The following SORCS1 variants were observed in gnomAD, a reference collection of about 807,000 sequenced individuals.
SORCS1 encodes the protein VPS10 domain-containing receptor SorCS1.
A neutral mutation model predicts 146.1 loss-of-function variants in SORCS1; 60 were observed. The ratio of observed to expected loss-of-function variants is 0.41; its 90% CI spans 0.33 to 0.51. The LOEUF (loss-of-function observed/expected upper bound fraction) is 0.51. Among genes scored for constraint, SORCS1 ranks in the 20% least tolerant of loss-of-function variants. The probability of loss-of-function intolerance (pLI) is 0.21; values close to 1 mark genes in which losing one functional copy is unlikely to be tolerated. For missense variants in SORCS1, 1,352 were observed against 1,487.6 expected (o/e 0.91, Z 1.50); for synonymous variants, 637 against 584.0 (o/e 1.09, Z -1.31).
At chr10:106,758,184 CCTT>C (rs1858802308) in intron 5 of SORCS1, among the ~76,000 whole-genome samples, 1 of 152,100 alleles carries the variant, frequency 6.6e-6, no homozygotes, top group Non-Finnish European at 1.5e-5. Context: ...ATAGAAGATT[CCTT>C]CTTCAAGGAA....
chr10:106,867,490 A>G (rs1173589977), intron 2 of SORCS1, among the ~76,000 whole-genome samples: 1 of 151,962 alleles, frequency 6.6e-6, no homozygotes, highest in African/African-American at 2.4e-5. Context: ...TCACCGTGTT[A>G]GCCAGGATGG....
Position 106,754,350 on chromosome 10 carries a change from A to T in SORCS1, c.959+7238T>A, listed in dbSNP as rs377011306. 1.1e-3 allele frequency among the ~76,000 whole-genome samples: 166 copies of T among 152,322 alleles called. No individual in the cohort carries two copies. The South Asian group carries it at 0.013, about 12-fold the overall frequency. On this transcript the variant is annotated intron_variant, in intron 5 of 25. Transcript: ENST00000263054. ...AAGGAGAGTGGAATGATGGGGAGAG[A>T]TCAAGCTCTTATGCCTTTAAGAAGC... is the stretch of plus-strand genomic sequence containing the variant.
intron 3 of SORCS1, among the ~76,000 whole-genome samples, chr10:106,792,976 AT>A (rs2136537671): frequency 6.6e-6 from 1 of 152,292 alleles, no homozygotes; most frequent in Non-Finnish European, 1.5e-5. Flanking sequence ...TCAACCATTC[AT>A]TTCATTTTTT....
At chr10:106,714,199 C>G (rs1855202606) in intron 6 of SORCS1, among the ~76,000 whole-genome samples, 1 of 130,968 alleles carries the variant, frequency 7.6e-6, no homozygotes, top group African/African-American at 2.7e-5. Flanking sequence ...TCTGAGAATT[C>G]TATCTAAGGA....
At chr10:106,623,070 T>A (rs562756942) in intron 19 of SORCS1, among the ~76,000 whole-genome samples, 44 of 152,176 alleles carry the variant, frequency 2.9e-4, no homozygotes, top group Non-Finnish European at 5.7e-4. Context: ...ACACCTTTCT[T>A]ATGGCACCTG....
chr10:106,707,420 C>T (rs527929342), intron 7 of SORCS1, among the ~76,000 whole-genome samples: 4 of 152,122 alleles, frequency 2.6e-5, no homozygotes, highest in Admixed American at 6.5e-5. Flanking sequence ...AAGCTGGTCT[C>T]GAACTCCTGA....
At chr10:107,018,690 AC>A (rs1274932182) in intron 1 of SORCS1, among the ~76,000 whole-genome samples, 4 of 152,194 alleles carry the variant, frequency 2.6e-5, no homozygotes, top group African/African-American at 9.6e-5. Context: ...AAAAAAAAAA[AC>A]AACTTTCCTC....
chr10:106,621,286 C>A (rs1847727518), intron 19 of SORCS1, among the ~76,000 whole-genome samples: 1 of 152,090 alleles, frequency 6.6e-6, no homozygotes, highest in African/African-American at 2.4e-5. Context: ...CATAAAGAAC[C>A]ACTAGGACCT....
intron 2 of SORCS1, among the ~76,000 whole-genome samples, chr10:106,892,620 A>T (rs993278868): frequency 2.6e-5 from 4 of 152,090 alleles, no homozygotes; most frequent in African/African-American, 9.7e-5. Context: ...TTATTTCACA[A>T]TTTTTCATGA....
At chr10:106,799,684 C>T (rs1946767833) in intron 3 of SORCS1, among the ~76,000 whole-genome samples, 1 of 152,132 alleles carries the variant, frequency 6.6e-6, no homozygotes, top group African/African-American at 2.4e-5. Flanking sequence ...CAATGAGTAA[C>T]CGTCTCACAC....
chr10:106,817,176 T>C (rs1249871487), intron 3 of SORCS1, among the ~76,000 whole-genome samples: 1 of 152,202 alleles, frequency 6.6e-6, no homozygotes, highest in Non-Finnish European at 1.5e-5. Flanking sequence ...CCAACCTCTC[T>C]TTCCCCAGCA....
intron 1 of SORCS1, among the ~76,000 whole-genome samples, chr10:106,993,451 C>A (rs12268817): frequency 0.42 from 63,878 of 152,106 alleles, 16,212 homozygotes; most frequent in African/African-American, 0.72. Context: ...CAAAGAGATA[C>A]ATGACTTAAC....
At chr10:107,170,083 G>C in the SORCS1 span, among the ~76,000 whole-genome samples, 1 of 151,850 alleles carries the variant, frequency 6.6e-6, no homozygotes, top group Admixed American at 6.6e-5. Context: ...TTAGATTTTT[G>C]AAAATATACC....
chr10:107,032,397 C>T (rs1441447035), intron 1 of SORCS1, among the ~76,000 whole-genome samples: 1 of 152,284 alleles, frequency 6.6e-6, no homozygotes, highest in East Asian at 1.9e-4. Context: ...TCCTTGATTT[C>T]TCTTTGCTTA....
rs148112195 is a variant in SORCS1, at chr10:107,137,362, C to A, written c.558+26607G>T. 1.1e-3 allele frequency among the ~76,000 whole-genome samples: 165 copies of A among 152,242 alleles called. 2 individuals carry two copies. The highest frequency in any genetic ancestry group is 3.9e-3 in the African/African-American group (164 of 41,528). ...GTCCTGGATGTCAGCATATAGTATA[C>A]CATTCTTTCTGACCAGACTCTGCAT... is the stretch of plus-strand genomic sequence containing the variant. On this transcript the variant is annotated intron_variant, in intron 1 of 25. Transcript: ENST00000263054.
intron 2 of SORCS1, among the ~76,000 whole-genome samples, chr10:106,950,047 TA>T (rs975310112): frequency 1.3e-5 from 2 of 152,228 alleles, no homozygotes; most frequent in African/African-American, 4.8e-5. Context: ...ACCAATATGA[TA>T]AAACCACCAC....
chr10:107,093,391 T>C (rs1442846836), intron 1 of SORCS1, among the ~76,000 whole-genome samples: 1 of 152,072 alleles, frequency 6.6e-6, no homozygotes, highest in Non-Finnish European at 1.5e-5. Flanking sequence ...AGCGAGTCTT[T>C]CGGCCAGGCG....
intron 18 of SORCS1, among the ~76,000 whole-genome samples, 162 bp downstream of exon 18, chr10:106,652,220 G>T (rs1849915653): frequency 6.6e-6 from 1 of 152,132 alleles, no homozygotes; most frequent in Non-Finnish European, 1.5e-5. Flanking sequence ...CAGGGAAGGT[G>T]AAGTGATAAT....
At chr10:107,147,868 C>T (rs954341298) in intron 1 of SORCS1, among the ~76,000 whole-genome samples, 1 of 152,010 alleles carries the variant, frequency 6.6e-6, no homozygotes, top group Admixed American at 6.6e-5. Flanking sequence ...GGGAGACATA[C>T]AGAGAGTGAC....
Sources: gnomAD v4.1 joint callset for allele counts (sites outside exome capture counted in the v4.1 genomes callset) on GRCh38, gnomAD v4.1.1 for gene constraint, MANE v1.5 for transcripts, NCBI Gene and HGNC (gene_info 2026-07-23, HGNC 2026-07-21) for gene names.